The following SYT14 variants were observed in gnomAD, a reference collection of about 807,000 sequenced individuals.
SYT14 encodes synaptotagmin-14.
A neutral mutation model predicts 74.2 loss-of-function variants in SYT14; 32 were observed. The observed-to-expected ratio is 0.43, with a 90% CI of 0.33 to 0.58. The LOEUF is 0.58. SYT14 is among the 20% of genes least tolerant of loss of function. The probability of loss-of-function intolerance (pLI) is 0.05; values close to 1 mark genes in which losing one functional copy is unlikely to be tolerated. For missense variants in SYT14, 791 were observed against 981.8 expected (o/e 0.81, Z 2.60); for synonymous variants, 298 against 337.7 (o/e 0.88, Z 1.29).
chr1:210,001,188 CTATAT>C (rs935951544), intron 2 of SYT14, among the ~76,000 whole-genome samples: 16 of 152,026 alleles, frequency 1.1e-4, no homozygotes, highest in Non-Finnish European at 2.1e-4. Context: ...AATTTTTTTG[CTATAT>C]TATTTTGGCT....
At chr1:209,946,790 A>G (rs1181889144) in intron 1 of SYT14, among the ~76,000 whole-genome samples, 2 of 152,218 alleles carry the variant, frequency 1.3e-5, no homozygotes, top group Non-Finnish European at 2.9e-5. Context: ...GATGCCATCT[A>G]AGAGTTTCAT....
Position 210,063,183 on chromosome 1 carries a change from G to A in SYT14, c.1313-31139G>A, listed in dbSNP as rs73070482. ...AAAATTTTGTTCATGTTTTCTTCTA[G>A]TATTTTTATGGGTTCATCTTTTTTA... is the stretch of plus-strand genomic sequence containing the variant. On this transcript the variant is annotated intron_variant, in intron 5 of 9. Transcript: ENST00000637265. Among the ~76,000 whole-genome samples the A allele has an allele frequency of 2.9e-3, 441 of 151,294 alleles. 4 individuals carry two copies. Among genetic ancestry groups the A allele is most frequent in the African/African-American group, 0.01 (421 of 41,384 alleles).
At chr1:210,062,742 A>C (rs888086949) in intron 5 of SYT14, among the ~76,000 whole-genome samples, 1 of 151,928 alleles carries the variant, frequency 6.6e-6, no homozygotes, top group East Asian at 1.9e-4. Flanking sequence ...TTTGACACTT[A>C]TATTTTAATT....
intron 2 of SYT14, among the ~76,000 whole-genome samples, chr1:209,984,074 TTGGCAAAGCCACTGCAGC>T (rs1267852025): frequency 2.0e-5 from 3 of 152,252 alleles, no homozygotes; most frequent in Admixed American, 2.0e-4. Flanking sequence ...ATAGCCACTG[TTGGCAAAGCCACTGCAGC>T]CTGAGGCAGC....
At chr1:210,008,525 G>A (rs536824902) in intron 2 of SYT14, among the ~76,000 whole-genome samples, 9 of 152,112 alleles carry the variant, frequency 5.9e-5, no homozygotes, top group South Asian at 2.1e-4. Context: ...CACCACACCC[G>A]GCTAATTTTT....
intron 5 of SYT14, among the ~76,000 whole-genome samples, chr1:210,053,430 C>G (rs1257535734): frequency 1.3e-5 from 2 of 152,116 alleles, no homozygotes; most frequent in African/African-American, 4.8e-5. Context: ...ATTAGGACTG[C>G]TTTTTAGGCA....
chr1:210,141,982 G>C (rs562601767), intron 7 of SYT14, among the ~76,000 whole-genome samples: 2 of 152,264 alleles, frequency 1.3e-5, no homozygotes, highest in East Asian at 3.9e-4. Flanking sequence ...AGCCAGTACT[G>C]CTTCTTTGGT....
intron 5 of SYT14, among the ~76,000 whole-genome samples, chr1:210,073,877 T>C (rs12059828): frequency 0.05 from 7,584 of 152,148 alleles, 1,040 homozygotes; most frequent in East Asian, 0.42. Context: ...GTATCAATTA[T>C]GGTATGTTAT....
chr1:210,057,504 A>G (rs1418188431), intron 5 of SYT14, among the ~76,000 whole-genome samples: 1 of 152,184 alleles, frequency 6.6e-6, no homozygotes, highest in Non-Finnish European at 1.5e-5. Context: ...TTTGTTATGT[A>G]CAGTAACTTG....
At chr1:209,986,446 A>G (rs2079571064) in intron 2 of SYT14, among the ~76,000 whole-genome samples, 1 of 151,940 alleles carries the variant, frequency 6.6e-6, no homozygotes, top group Non-Finnish European at 1.5e-5. Flanking sequence ...TCTACTAAAA[A>G]TAATAATTTA....
intron 2 of SYT14, among the ~76,000 whole-genome samples, chr1:210,005,239 G>C (rs1207622161): frequency 6.6e-6 from 1 of 152,032 alleles, no homozygotes; most frequent in Non-Finnish European, 1.5e-5. Flanking sequence ...ATTTCAAGAA[G>C]AGAACCAGGT....
chr1:209,947,400 A>G (rs1296862534), intron 1 of SYT14, among the ~76,000 whole-genome samples: 1 of 152,212 alleles, frequency 6.6e-6, no homozygotes, highest in African/African-American at 2.4e-5. Context: ...ATCAACATTA[A>G]TAGGAGTTTG....
At chr1:209,976,140 T>C (rs943100189) in intron 2 of SYT14, among the ~76,000 whole-genome samples, 11 of 152,128 alleles carry the variant, frequency 7.2e-5, no homozygotes, top group African/African-American at 2.7e-4. Flanking sequence ...TTTTTTGATC[T>C]TTTCAAAAAA....
chr1:209,971,894 C>T (rs2079262191), intron 2 of SYT14, among the ~76,000 whole-genome samples: 1 of 152,140 alleles, frequency 6.6e-6, no homozygotes, highest in Non-Finnish European at 1.5e-5. Flanking sequence ...GTGATGCTGG[C>T]TTCATAGAAT....
intron 1 of SYT14, among the ~76,000 whole-genome samples, chr1:209,952,141 T>A (rs1347732353): frequency 6.6e-6 from 1 of 152,090 alleles, no homozygotes; most frequent in Non-Finnish European, 1.5e-5. Context: ...GCCCAATAAG[T>A]AGAGATTTTT....
At position 209,987,591 on chromosome 1, in the gene SYT14, G is replaced by C. The variant is rs1277273371; in HGVS notation, c.-485-26042G>C. Among the ~76,000 whole-genome samples the C allele has an allele frequency of 2.0e-5, 3 of 152,308 alleles. No individual in the cohort carries two copies. In the East Asian group the frequency reaches 5.8e-4, roughly 29 times the overall value. On this transcript the variant is annotated intron_variant, in intron 2 of 9. Transcript: ENST00000637265. ...CCCATGATCCAAACACCTCCCACTA[G>C]GTCTCACCTCCAACACTGGTAATTA...
At chr1:210,112,463 G>A (rs894954405) in intron 7 of SYT14, among the ~76,000 whole-genome samples, 6 of 151,460 alleles carry the variant, frequency 4.0e-5, no homozygotes, top group East Asian at 1.9e-4. Flanking sequence ...CTATGAGGCC[G>A]GAAGGAGATA....
At position 210,059,283 on chromosome 1, in the gene SYT14, G is replaced by A. The variant is rs546042026; in HGVS notation, c.1313-35039G>A. On this transcript the variant is annotated intron_variant, in intron 5 of 9. Coordinates refer to ENST00000637265, the Ensembl canonical transcript of SYT14. ...AAGGATTAGAATAAAAATTTCCCAT[G>A]CAAAAAATTCCTGGGAATTTCCCAT... 1.3e-3 allele frequency among the ~76,000 whole-genome samples: 199 copies of A among 151,652 alleles called. 1 individual carries two copies. Among genetic ancestry groups the A allele is most frequent in the African/African-American group, 4.4e-3 (184 of 41,360 alleles).
intron 2 of SYT14, chr1:209,953,114 A>C: frequency 2.3e-6 from 3 of 1,301,512 alleles, no homozygotes; most frequent in Non-Finnish European, 3.0e-6. Flanking sequence ...ACTGTACCCC[A>C]TCAGAGAGAT....
Sources: allele counts gnomAD v4.1 joint callset (sites outside exome capture counted in the v4.1 genomes callset), GRCh38; gene constraint gnomAD v4.1.1; transcripts MANE v1.5; gene names NCBI Gene and HGNC (gene_info 2026-07-23, HGNC 2026-07-21).